MYO1G: variants seen among roughly 807,000 people sequenced by gnomAD.
MYO1G encodes the protein unconventional myosin-Ig.
MYO1G carries 65 observed loss-of-function variants against 115.3 expected under a neutral mutation model. The observed-to-expected ratio is 0.56, with a 90% CI of 0.46 to 0.69. MYO1G has a LOEUF of 0.69. Among genes scored for constraint, MYO1G ranks in the 30% least tolerant of loss-of-function variants. MYO1G has a pLI of 0.00. For synonymous variants in MYO1G, 510 were observed against 552.6 expected (o/e 0.92, Z 1.08); for missense variants, 1,204 against 1,393.5 (o/e 0.86, Z 2.16).
Position 44,965,084 on chromosome 7 carries a change from C to T in MYO1G, c.2387G>A (p.Arg796Gln), listed in dbSNP as rs371969345. 1.3e-4 allele frequency: 204 copies of T among 1,605,086 alleles called. No individual in the cohort carries two copies. In the African/African-American group the frequency reaches 1.8e-3, roughly 14 times the overall value. Residue 796 changes from arginine to glutamine, a missense_variant, in exon 18 of 22, where the codon CGG becomes CAG. Coordinates refer to ENST00000258787, the MANE Select transcript of MYO1G (RefSeq NM_033054.3). The part of the protein sequence containing the change: ...DTCHALFCRW[R>Q]ARQLVKNIPP... ...GATGTTCTTCACCAGCTGCCGGGCC[C>T]GCCACCTGGGAGAGGGCATGTAGTC...
chr7:44,966,772 G>T lies in MYO1G; in HGVS notation c.1849C>A (p.His617Asn). 6.2e-7 allele frequency: 1 copy of T among 1,613,642 alleles called. No individual in the cohort carries two copies. The highest frequency in any genetic ancestry group is 8.5e-7 in the Non-Finnish European group (1 of 1,179,986). ...AGGTATGCGACCTGGTGGCGACAGT[G>T]GTTCTCATCCAGCTTCCCAGCTACC... The part of the protein sequence containing the change: ...DKVAGKLDEN[H>N]CRHQVAYLGL... The change falls in exon 15 of 22, where the codon CAC becomes AAC. Residue 617 changes from histidine to asparagine, a missense_variant. Physicochemically the swap from His to Asn is moderately conservative, Grantham distance 68. Transcript: ENST00000258787. The surrounding 1 kb of genome is among the most constrained non-coding windows in gnomAD (Gnocchi z 5.0).
rs1206909592 is a variant in MYO1G at position 44,963,456 on chromosome 7, C to T, written c.2746-332G>A. On this transcript the variant is annotated intron_variant, in intron 20 of 21. Coordinates refer to ENST00000258787, the MANE Select transcript of MYO1G (RefSeq NM_033054.3). The surrounding 1 kb of genome is among the most constrained non-coding windows in gnomAD (Gnocchi z 4.1). ...AGGAGCCGTTTTTAGTTCTAGGTCA[C>T]TTTCACTGCATTTAAACAACCACGC... 3.0e-6 allele frequency: 1 copy of T among 332,980 alleles called. No individual in the cohort carries two copies. The allele number at this position is 332,980 out of a possible 1,614,324, so 20.6% of individuals were successfully genotyped here.
At chr7:44,971,571 G>T (rs1305573101) in intron 7 of MYO1G, 102 bp downstream of exon 7, 3 of 809,662 alleles carry the variant, frequency 3.7e-6, no homozygotes, top group African/African-American at 1.7e-5. Context: ...CTAGCACATT[G>T]CTGGGGCATC....
At chr7:44,975,069 A>C in intron 5 of MYO1G, 105 bp downstream of exon 5, 1 of 1,203,074 alleles carries the variant, frequency 8.3e-7, no homozygotes, top group Non-Finnish European at 1.2e-6. Context: ...GAGTGGGCAG[A>C]GAGGGGGAAT....
In MYO1G at chr7:44,962,907, G is replaced by A. The variant is rs2128700662; in HGVS notation, c.2901-12C>T. On this transcript the variant is annotated splice_polypyrimidine_tract_variant and intron_variant, in intron 21 of 21. Coordinates refer to ENST00000258787, the MANE Select transcript of MYO1G (RefSeq NM_033054.3). This position sits in a 1 kb window ranked among gnomAD's most constrained non-coding sequence, Gnocchi z 5.3. Reference sequence around the variant, plus strand: ...GGGTGCGGCCCTCCCTGCGGCAGGAGGAGGGGTCAGGGCGGCCACGCGGCC... The same window carrying A: ...GGGTGCGGCCCTCCCTGCGGCAGGAAGAGGGGTCAGGGCGGCCACGCGGCC... 1.3e-6 allele frequency: 2 copies of A among 1,491,160 alleles called. No individual in the cohort carries two copies. The highest frequency in any genetic ancestry group is 1.8e-6 in the Non-Finnish European group (2 of 1,122,292). The allele number at this position is 1,491,160 out of a possible 1,614,324, so 92.4% of individuals were successfully genotyped here.
In MYO1G at chr7:44,976,998, G is replaced by C. The variant is rs148775890; in HGVS notation, c.169C>G (p.Leu57Val). 2 of 1,613,584 alleles carry C rather than the reference G, an allele frequency of 1.2e-6. No homozygotes were observed. The highest frequency in any genetic ancestry group is 2.2e-5 in the East Asian group (1 of 44,906). The change falls in exon 2 of 22, where the codon CTG (leucine) becomes GTG (valine). Residue 57 changes from leucine to valine, a missense_variant. Transcript: ENST00000258787. ...VSVNPYQELPLYGPEAIARYQ... is the reference protein window; with the variant it reads ...VSVNPYQELPVYGPEAIARYQ... ...CTGGCGATGGCCTCAGGCCCATACA[G>C]GGGCAGCTCCTGGTAGGGGTTCACG...
Position 44,970,063 on chromosome 7 carries a change from G to A in MYO1G, c.1309C>T (p.Arg437Cys), listed in dbSNP as rs781350023. 2.9e-5 allele frequency: 46 copies of A among 1,613,802 alleles called. No homozygotes were observed. Among genetic ancestry groups the A allele is most frequent in the Non-Finnish European group, 3.8e-5 (45 of 1,179,960 alleles). The part of the protein sequence containing the change: ...ILKQEQEEYE[R>C]EGITWQSVEY... ...ACGCTCTGCCAGGTGATGCCCTCGC[G>A]CTCGTACTCTTCCTGTTCCTGCTTC... The change falls in exon 10 of 22, where the codon CGC becomes TGC. Residue 437 changes from arginine to cysteine, a missense_variant. Transcript: ENST00000258787.
rs377157731 is a variant in MYO1G, at chr7:44,976,845, G to A, written c.304+18C>T. The A allele has an allele frequency of 5.4e-5, 87 of 1,611,840 alleles. No homozygotes were observed. In the African/African-American group the frequency reaches 5.5e-4, roughly 10 times the overall value. ...ATGAAGATGCCGAGGGTGGGGGCCC[G>A]GCGGCAGGGACAGGTACCTGAGATG... On this transcript the variant is annotated intron_variant, in intron 2 of 21. Transcript: ENST00000258787.
At position 44,978,860 on chromosome 7, in the gene MYO1G, G is replaced by C. The variant is rs1795131363; in HGVS notation, c.95+7C>G. 6.2e-7 allele frequency: 1 copy of C among 1,613,500 alleles called. No homozygotes were observed. Among genetic ancestry groups the C allele is most frequent in the Non-Finnish European group, 8.5e-7 (1 of 1,179,556 alleles). ...AGGGGAGCCACTGCCTCCTGCCCTG[G>C]GCCTACCTGAGCTGCAGGTTCCTCA... On this transcript the variant is annotated splice_region_variant and intron_variant, in intron 1 of 21. Transcript: ENST00000258787.
rs1218709236 is a variant in MYO1G, at chr7:44,966,432, A to G, written c.1950-152T>C. On this transcript the variant is annotated intron_variant, in intron 15 of 21. Transcript: ENST00000258787. This position sits in a 1 kb window ranked among gnomAD's most constrained non-coding sequence, Gnocchi z 5.0. The stretch of plus-strand genomic sequence containing the variant: ...TGTGCACATATGTCTTCCCATACAC[A>G]TGTCCTCACATACATGTCCTCACAC... 4 of 821,860 alleles carry G rather than the reference A, an allele frequency of 4.9e-6. No homozygotes were observed. The highest frequency in any genetic ancestry group is 2.0e-5 in the Admixed American group (1 of 50,060). 50.9% of individuals were successfully genotyped at this position (821,860 alleles called of 1,614,324 possible).
chr7:44,970,576 C>T lies in MYO1G; in HGVS notation c.1217+16G>A. ...CTGGGTGTCAGAGGTGGAGATGTGG[C>T]TGGCCAGCCACCCACCTGTTGACGG... is the stretch of plus-strand genomic sequence containing the variant. On this transcript the variant is annotated intron_variant, in intron 9 of 21. Transcript: ENST00000258787. 5 of 1,611,826 alleles carry T rather than the reference C, an allele frequency of 3.1e-6. No individual in the cohort carries two copies.
In MYO1G at chr7:44,962,952, C is replaced by A; in HGVS notation, c.2900+18G>T. 1 of 1,519,756 alleles carries A rather than the reference C, an allele frequency of 6.6e-7. No individual in the cohort carries two copies. The highest frequency in any genetic ancestry group is 8.8e-7 in the Non-Finnish European group (1 of 1,137,616). The allele number at this position is 1,519,756 out of a possible 1,614,324, so 94.1% of individuals were successfully genotyped here. On this transcript the variant is annotated intron_variant, in intron 21 of 21. Coordinates refer to ENST00000258787, the MANE Select transcript of MYO1G (RefSeq NM_033054.3). This position sits in a 1 kb window ranked among gnomAD's most constrained non-coding sequence, Gnocchi z 5.3. Reference sequence around the variant, plus strand: ...GCGGCCGGGGCTTCGTGCCCGCTACCGCCCAGCCTGCACTCACCCCTGGCA... The same window carrying A: ...GCGGCCGGGGCTTCGTGCCCGCTACAGCCCAGCCTGCACTCACCCCTGGCA...
At chr7:44,977,131 C>A in intron 1 of MYO1G, 60 bp from the exon 2 acceptor site, 1 of 1,535,824 alleles carries the variant, frequency 6.5e-7, no homozygotes, top group Non-Finnish European at 8.9e-7. Flanking sequence ...ACAGGCCTTT[C>A]GCCAGAGCCC....
At position 44,964,855 on chromosome 7, in the gene MYO1G, C is replaced by T. The variant is rs1794811821; in HGVS notation, c.2526+90G>A. 1.8e-5 allele frequency: 28 copies of T among 1,514,336 alleles called. No homozygotes were observed. The highest frequency in any genetic ancestry group is 2.3e-5 in the Non-Finnish European group (26 of 1,123,400). The allele number at this position is 1,514,336 out of a possible 1,614,324, so 93.8% of individuals were successfully genotyped here. A position where few individuals can be genotyped will look rare whatever the true frequency, so the allele number is the denominator to read the frequency against. On this transcript the variant is annotated intron_variant, in intron 18 of 21. Transcript: ENST00000258787. This position sits in a 1 kb window ranked among gnomAD's most constrained non-coding sequence, Gnocchi z 5.1. ...AGACAACCCCAGGCCTGGGAGAGGA[C>T]ATCTGAGGGGACCTGGTCACAGCAT...
In MYO1G at chr7:44,971,051, G is replaced by A. The variant is rs374225368; in HGVS notation, c.855C>T (p.Ile285=). 4.3e-6 allele frequency: 7 copies of A among 1,609,806 alleles called. No homozygotes were observed. The highest frequency in any genetic ancestry group is 2.2e-5 in the East Asian group (1 of 44,798). Residue 285 remains isoleucine (I), a synonymous_variant, in exon 8 of 22, where the codon ATC becomes ATT. Coordinates refer to ENST00000258787, the MANE Select transcript of MYO1G (RefSeq NM_033054.3). ...CACCCTCCTCCGTCTCCACAAACTC[G>A]ATGTTTCCCTGGTGATGGGAAAACC... ...ILAAILHLGN[I]EFVETEEGGL... is the part of the protein sequence containing the mutation.
Position 44,970,952 on chromosome 7 carries a change from G to A in MYO1G, c.954C>T (p.Pro318=). 2 of 1,613,482 alleles carry A rather than the reference G, an allele frequency of 1.2e-6. No individual in the cohort carries two copies. Among genetic ancestry groups the A allele is most frequent in the East Asian group, 2.2e-5 (1 of 44,878 alleles). Residue 318 remains proline, a synonymous_variant, in exon 8 of 22, where the codon CCC becomes CCT. Transcript: ENST00000258787. ...VDHVAELTAT[P]RDLVLRSLLA... Reference sequence around the variant, plus strand: ...GCAGGGAGCGGAGCACGAGGTCCCGGGGTGTGGCCGTCAGCTCAGCCACAT... The same window carrying A: ...GCAGGGAGCGGAGCACGAGGTCCCGAGGTGTGGCCGTCAGCTCAGCCACAT...
chr7:44,966,391 G>A lies in MYO1G; in HGVS notation c.1950-111C>T. ...GGCAGGGATACAGAGTGTGTTCCTG[G>A]AGCACTTATGACACCTGTGCACATA... On this transcript the variant is annotated intron_variant, in intron 15 of 21. Transcript: ENST00000258787. The surrounding 1 kb of genome is among the most constrained non-coding windows in gnomAD (Gnocchi z 5.0). 1.0e-6 allele frequency: 1 copy of A among 1,002,748 alleles called. No individual in the cohort carries two copies. Among genetic ancestry groups the A allele is most frequent in the Non-Finnish European group, 1.5e-6 (1 of 664,096 alleles). 62.1% of individuals were successfully genotyped at this position (1,002,748 alleles called of 1,614,324 possible). A position where few individuals can be genotyped will look rare whatever the true frequency, so the allele number is the denominator to read the frequency against.
Position 44,969,100 on chromosome 7 carries a change from C to CCAGGGCAGAGAAGGTTG in MYO1G, c.1574+312_1574+313insCAACCTTCTCTGCCCTG. ...CTGCACCTTCCACTCCCTCCCCACC[C>CCAGGGCAGAGAAGGTTG]CCACATCACCAGCCTGAAGCCCCCC... On this transcript the variant is annotated intron_variant, in intron 12 of 21. Coordinates refer to ENST00000258787, the MANE Select transcript of MYO1G (RefSeq NM_033054.3). The surrounding 1 kb of genome is among the most constrained non-coding windows in gnomAD (Gnocchi z 5.0). 1 of 307,260 alleles carries CCAGGGCAGAGAAGGTTG rather than the reference C, an allele frequency of 3.3e-6. No individual in the cohort carries two copies. Among genetic ancestry groups the CCAGGGCAGAGAAGGTTG allele is most frequent in the Admixed American group, 4.2e-5 (1 of 23,650 alleles). 19.0% of individuals were successfully genotyped at this position (307,260 alleles called of 1,614,324 possible).
At position 44,969,420 on chromosome 7, in the gene MYO1G, C is replaced by T. The variant is rs762799551; in HGVS notation, c.1567G>A (p.Asp523Asn). ...GTGGGAGGGGGCCCTTACGTGACGT[C>T]CCCTGCATAGTGCTTGATCCGGAAG... Reference protein sequence around the residue: ...RDFRIKHYAGDVTYSVEGFID... With the variant: ...RDFRIKHYAGNVTYSVEGFID... The change falls in exon 12 of 22, where the codon GAC (aspartate) becomes AAC (asparagine). Residue 523 changes from aspartate (D) to asparagine (N), a missense_variant. Transcript: ENST00000258787. The surrounding 1 kb of genome is among the most constrained non-coding windows in gnomAD (Gnocchi z 5.0). 6.2e-7 allele frequency: 1 copy of T among 1,613,592 alleles called. No individual in the cohort carries two copies. Among genetic ancestry groups the T allele is most frequent in the Non-Finnish European group, 8.5e-7 (1 of 1,179,966 alleles).
Sources: allele counts gnomAD v4.1 joint callset, GRCh38; gene constraint gnomAD v4.1.1; non-coding constraint Gnocchi (gnomAD v3.1); transcripts MANE v1.5; gene names NCBI Gene and HGNC (gene_info 2026-07-23, HGNC 2026-07-21).